Variants in GALNT13 observed in about 807,000 individuals in gnomAD.
GALNT13 encodes polypeptide N-acetylgalactosaminyltransferase 13.
Under a neutral mutation model 64.2 loss-of-function variants are expected in GALNT13, and 28 were observed. That is an observed-to-expected ratio of 0.44 (90% CI 0.32 to 0.60). The LOEUF is 0.60. Ranked by LOEUF, GALNT13 falls within the 20% of genes least tolerant of loss-of-function variation. The pLI is 0.05. For missense variants in GALNT13, 577 were observed against 669.8 expected, an observed-to-expected ratio of 0.86 and a Z score of 1.53; for synonymous variants, 214 against 224.6, an observed-to-expected ratio of 0.95 and a Z score of 0.42.
At chr2:153,079,905 C>A in the GALNT13 span, among the ~76,000 whole-genome samples, 1 of 152,192 alleles carries the variant, frequency 6.6e-6, no homozygotes, top group Non-Finnish European at 1.5e-5. Flanking sequence ...CCCTCGGGGG[C>A]AGTCCCTCCA....
At chr2:154,086,004 A>G (rs1390397353) in intron 3 of GALNT13, among the ~76,000 whole-genome samples, 2 of 151,794 alleles carry the variant, frequency 1.3e-5, no homozygotes, top group African/African-American at 2.4e-5. Context: ...GAAAGCTGTT[A>G]TACTATGGTT....
At chr2:153,163,760 C>T in the GALNT13 span, among the ~76,000 whole-genome samples, 1 of 152,154 alleles carries the variant, frequency 6.6e-6, no homozygotes, top group Non-Finnish European at 1.5e-5. Context: ...AGGCTCAAGC[C>T]TGTAATCCCA....
chr2:153,997,423 TA>T (rs1465042252), intron 3 of GALNT13, among the ~76,000 whole-genome samples: 4 of 152,144 alleles, frequency 2.6e-5, no homozygotes, highest in African/African-American at 9.7e-5. Context: ...CTTAGGGGGA[TA>T]TTTTTGGCTA....
the GALNT13 span, among the ~76,000 whole-genome samples, chr2:153,551,826 G>A: frequency 3.0e-4 from 45 of 152,236 alleles, no homozygotes; most frequent in African/African-American, 5.8e-4. Flanking sequence ...ATAATTCTAG[G>A]CTACAGATGT....
chr2:154,443,497 C>T (rs749422191), intron 12 of GALNT13, among the ~76,000 whole-genome samples: 3 of 151,898 alleles, frequency 2.0e-5, no homozygotes, highest in Non-Finnish European at 2.9e-5. Flanking sequence ...TATGTAATAA[C>T]ATAATTGATT....
the GALNT13 span, among the ~76,000 whole-genome samples, chr2:153,285,637 C>G: frequency 1.9e-4 from 29 of 152,144 alleles, no homozygotes; most frequent in East Asian, 5.4e-3. Context: ...GATGGTTATA[C>G]TATTAACAGT....
the GALNT13 span, among the ~76,000 whole-genome samples, chr2:153,410,876 G>A: frequency 6.7e-6 from 1 of 149,940 alleles, no homozygotes; most frequent in East Asian, 1.9e-4. Context: ...TATATATTTA[G>A]AGAGAGAGAG....
chr2:154,390,079 A>G (rs1698712617), intron 9 of GALNT13, among the ~76,000 whole-genome samples: 1 of 152,218 alleles, frequency 6.6e-6, no homozygotes, highest in African/African-American at 2.4e-5. Flanking sequence ...CTATGTTTAT[A>G]TAAAAAAATC....
the GALNT13 span, among the ~76,000 whole-genome samples, chr2:153,736,690 C>A: frequency 5.3e-5 from 8 of 152,210 alleles, no homozygotes; most frequent in African/African-American, 1.7e-4. Flanking sequence ...TTTAGGTTCA[C>A]ACTGACACAT....
chr2:154,080,319 G>C (rs955678454), intron 3 of GALNT13, among the ~76,000 whole-genome samples: 2 of 151,438 alleles, frequency 1.3e-5, no homozygotes, highest in African/African-American at 4.8e-5. Context: ...AGAAGTAAAA[G>C]GAAAGAGAAG....
At chr2:153,720,185 C>A in the GALNT13 span, among the ~76,000 whole-genome samples, 1 of 145,760 alleles carries the variant, frequency 6.9e-6, no homozygotes, top group Admixed American at 6.8e-5. Flanking sequence ...TGGGAGGCAC[C>A]CCCCAGCAGG....
At chr2:154,164,213 G>A (rs146961489) in intron 4 of GALNT13, among the ~76,000 whole-genome samples, 25 of 151,988 alleles carry the variant, frequency 1.6e-4, no homozygotes, top group African/African-American at 5.8e-4. Context: ...AAAAAAAAGG[G>A]GTGAATCTAG....
chr2:153,536,725 G>A, the GALNT13 span, among the ~76,000 whole-genome samples: 1 of 152,084 alleles, frequency 6.6e-6, no homozygotes, highest in Non-Finnish European at 1.5e-5. Context: ...TACTCTCAGG[G>A]TACTTACACT....
the GALNT13 span, among the ~76,000 whole-genome samples, chr2:153,479,855 G>A: frequency 1.3e-5 from 2 of 152,158 alleles, no homozygotes; most frequent in Non-Finnish European, 2.9e-5. Context: ...GTCAGATTAA[G>A]TTTCTTAACT....
At chr2:154,130,143 A>G (rs1682526424) in intron 3 of GALNT13, among the ~76,000 whole-genome samples, 2 of 152,180 alleles carry the variant, frequency 1.3e-5, no homozygotes, top group Admixed American at 1.3e-4. Flanking sequence ...TTAACTGGTC[A>G]TAAGGTACTC....
At chr2:153,799,810 G>A in the GALNT13 span, among the ~76,000 whole-genome samples, 2 of 152,078 alleles carry the variant, frequency 1.3e-5, no homozygotes, top group African/African-American at 4.8e-5. Flanking sequence ...GGAATGATAT[G>A]TACCATAGGG....
intron 2 of GALNT13, among the ~76,000 whole-genome samples, chr2:153,940,067 T>C (rs966357015): frequency 6.6e-6 from 1 of 151,150 alleles, no homozygotes; most frequent in Non-Finnish European, 1.5e-5. Context: ...AATGAGGGCA[T>C]TTTTTGTTGT....
At chr2:153,396,273 A>T in the GALNT13 span, among the ~76,000 whole-genome samples, 23 of 152,082 alleles carry the variant, frequency 1.5e-4, no homozygotes, top group Non-Finnish European at 2.2e-4. Context: ...AGAGACAAAA[A>T]TTTTTGCCCA....
At chr2:154,081,887 T>G (rs1026589939) in intron 3 of GALNT13, among the ~76,000 whole-genome samples, 1 of 151,772 alleles carries the variant, frequency 6.6e-6, no homozygotes, top group Non-Finnish European at 1.5e-5. Context: ...TTTCATAGTC[T>G]CTAGGCTCTA....
Sources: gnomAD v4.1 joint callset for allele counts (sites outside exome capture counted in the v4.1 genomes callset) on GRCh38, gnomAD v4.1.1 for gene constraint, MANE v1.5 for transcripts, NCBI Gene and HGNC (gene_info 2026-07-23, HGNC 2026-07-21) for gene names.